RASGEF1B: variants seen among roughly 807,000 people sequenced by gnomAD.
The protein encoded by RASGEF1B is ras-GEF domain-containing family member 1B.
RASGEF1B carries 30 observed loss-of-function variants against 65.7 expected under a neutral mutation model. The ratio of observed to expected loss-of-function variants is 0.46; its 90% CI spans 0.34 to 0.62. The LOEUF is 0.62. Ranked by LOEUF, RASGEF1B falls within the 20% of genes least tolerant of loss-of-function variation. The pLI, the probability that RASGEF1B is intolerant of heterozygous loss-of-function variation, is 0.01. For synonymous variants in RASGEF1B, 175 were observed against 194.8 expected (o/e 0.90, Z 0.85); for missense variants, 495 against 580.1 (o/e 0.85, Z 1.51).
rs1421752579 is a variant in RASGEF1B, at chr4:81,445,505, TA to T, written c.928+20del. Reference sequence around the variant, plus strand: ...AGGATTCGTAAAGATAAACGACATGTATCCTCCACAAAATACTCACAGATTA... The same window carrying T: ...AGGATTCGTAAAGATAAACGACATGTTCCTCCACAAAATACTCACAGATTA... On this transcript the variant is annotated intron_variant, in intron 8 of 13. Coordinates refer to ENST00000264400, the MANE Select transcript of RASGEF1B (RefSeq NM_152545.3). The T allele has an allele frequency of 2.0e-6, 3 of 1,489,126 alleles. No individual in the cohort carries two copies. Among genetic ancestry groups the T allele is most frequent in the Non-Finnish European group, 1.9e-6 (2 of 1,066,912 alleles). 92.2% of individuals were successfully genotyped at this position (1,489,126 alleles called of 1,614,324 possible).
intron 1 of RASGEF1B, among the ~76,000 whole-genome samples, chr4:81,465,921 A>G (rs995920066): frequency 1.3e-5 from 2 of 152,128 alleles, no homozygotes; most frequent in South Asian, 2.1e-4. Flanking sequence ...AGAGTCAGAG[A>G]AAAAAAAGGT....
chr4:81,470,463 G>A lies in RASGEF1B; in HGVS notation c.-7+1307C>T, dbSNP rs537110216. On this transcript the variant is annotated intron_variant, in intron 1 of 13. Coordinates refer to ENST00000264400, the MANE Select transcript of RASGEF1B (RefSeq NM_152545.3). Reference sequence around the variant, plus strand: ...ATTCACCCCATCTGAGTGTGACTGTGCCAGACATCATTCAAGAGTGCACCA... The same window carrying A: ...ATTCACCCCATCTGAGTGTGACTGTACCAGACATCATTCAAGAGTGCACCA... 3.9e-5 allele frequency among the ~76,000 whole-genome samples: 6 copies of A among 152,238 alleles called. No homozygotes were observed. In the East Asian group the frequency reaches 1.2e-3, roughly 29 times the overall value.
chr4:81,455,166 G>A (rs945687405), intron 4 of RASGEF1B: 1 of 152,240 alleles, frequency 6.6e-6, no homozygotes, highest in Non-Finnish European at 1.5e-5. Context: ...GCTGGGTGCA[G>A]TGACTCACAC....
intron 1 of RASGEF1B, among the ~76,000 whole-genome samples, chr4:81,461,400 G>A (rs1487845633): frequency 2.6e-5 from 4 of 152,214 alleles, no homozygotes; most frequent in Admixed American, 6.5e-5. Context: ...TTCACATGCA[G>A]CATGAGGAGT....
chr4:81,465,146 C>G (rs1169877536), intron 1 of RASGEF1B, among the ~76,000 whole-genome samples: 1 of 150,784 alleles, frequency 6.6e-6, no homozygotes, highest in African/African-American at 2.4e-5. Context: ...TAGTACCTAT[C>G]AAACTGAGTT....
intron 4 of RASGEF1B, chr4:81,451,139 C>T (rs1486735853): frequency 6.6e-6 from 1 of 152,140 alleles, no homozygotes; most frequent in Non-Finnish European, 1.5e-5. Flanking sequence ...TGAAGTTTCA[C>T]AGTCAGTAAA....
At chr4:81,457,004 A>T (rs1258398967) in intron 3 of RASGEF1B, among the ~76,000 whole-genome samples, 1 of 152,106 alleles carries the variant, frequency 6.6e-6, no homozygotes, top group African/African-American at 2.4e-5. Context: ...TTTATTTTTT[A>T]AAATTTTTAA....
chr4:81,444,611 G>A (rs1721955413), intron 8 of RASGEF1B, among the ~76,000 whole-genome samples: 1 of 152,126 alleles, frequency 6.6e-6, no homozygotes, highest in Middle Eastern at 3.4e-3. Context: ...ATTTCAGCTC[G>A]CTGCAACCTC....
At chr4:81,429,773 G>A (rs893904567) in intron 13 of RASGEF1B, among the ~76,000 whole-genome samples, 5 of 152,058 alleles carry the variant, frequency 3.3e-5, no homozygotes, top group African/African-American at 1.2e-4. Flanking sequence ...ACAGACTGGC[G>A]GGATGAGGCG....
At chr4:81,439,433 C>T (rs1368008237) in intron 10 of RASGEF1B, among the ~76,000 whole-genome samples, 1 of 152,128 alleles carries the variant, frequency 6.6e-6, no homozygotes, top group Non-Finnish European at 1.5e-5. Flanking sequence ...TAGAAAAAAA[C>T]TTAGAATTCC....
At chr4:81,464,671 A>T (rs1276756509) in intron 1 of RASGEF1B, among the ~76,000 whole-genome samples, 1 of 152,196 alleles carries the variant, frequency 6.6e-6, no homozygotes, top group Non-Finnish European at 1.5e-5. Context: ...CCAGATTAAG[A>T]AGTCCATGTG....
At position 81,451,392 on chromosome 4, in the gene RASGEF1B, C is replaced by T. The variant is rs141161890; in HGVS notation, c.439-3108G>A. ...AAGAAGATACAGCTACCTACATTGA[C>T]ATGGAAGGGTTTCCAAGACATAACA... On this transcript the variant is annotated intron_variant, in intron 4 of 13. Coordinates refer to ENST00000264400, the MANE Select transcript of RASGEF1B (RefSeq NM_152545.3). 7 of 152,274 alleles carry T rather than the reference C, an allele frequency of 4.6e-5. No individual in the cohort carries two copies. In the East Asian group the frequency reaches 1.3e-3, roughly 29 times the overall value. The allele number at this position is 152,274 out of a possible 1,614,324, so 9.4% of individuals were successfully genotyped here. A position where few individuals can be genotyped will look rare whatever the true frequency, so the allele number is the denominator to read the frequency against.
chr4:81,429,644 G>A (rs941079163), intron 13 of RASGEF1B, among the ~76,000 whole-genome samples: 3 of 152,220 alleles, frequency 2.0e-5, no homozygotes, highest in African/African-American at 7.2e-5. Flanking sequence ...AGCTGGACGT[G>A]GTGAGGAACA....
chr4:81,453,871 CA>C (rs1560706265), intron 4 of RASGEF1B: 1 of 152,090 alleles, frequency 6.6e-6, no homozygotes, highest in Non-Finnish European at 1.5e-5. Context: ...GAGGACTAGC[CA>C]AAACACACTC....
At chr4:81,441,077 A>T (rs1721817701) in intron 9 of RASGEF1B, 148 bp from the exon 10 acceptor site, 3 of 559,928 alleles carry the variant, frequency 5.4e-6, no homozygotes, top group East Asian at 5.8e-5. Context: ...TCATACACAC[A>T]AATGCACATG....
chr4:81,456,944 T>A (rs1229160284), intron 3 of RASGEF1B, among the ~76,000 whole-genome samples, 156 bp from the exon 4 acceptor site: 2 of 152,164 alleles, frequency 1.3e-5, no homozygotes, highest in Non-Finnish European at 2.9e-5. Flanking sequence ...CAATGCCAAG[T>A]GCCACCAACT....
chr4:81,466,563 T>G (rs1414943697), intron 1 of RASGEF1B, among the ~76,000 whole-genome samples: 1 of 151,726 alleles, frequency 6.6e-6, no homozygotes, highest in South Asian at 2.1e-4. Flanking sequence ...ATCGAGACCA[T>G]CCTGGCTAAC....
Position 81,432,389 on chromosome 4 carries a change from A to T in RASGEF1B, c.1325-18T>A. On this transcript the variant is annotated intron_variant, in intron 12 of 13. Coordinates refer to ENST00000264400, the MANE Select transcript of RASGEF1B (RefSeq NM_152545.3). ...GTAGAGAGCTACAATCAAACAAAAG[A>T]AAGTGCATTAACATTAAAGCCTTCT... 1.3e-6 allele frequency: 2 copies of T among 1,540,708 alleles called. No homozygotes were observed. The highest frequency in any genetic ancestry group is 1.8e-6 in the Non-Finnish European group (2 of 1,114,564).
Position 81,442,286 on chromosome 4 carries a change from G to A in RASGEF1B, c.1008+11C>T. On this transcript the variant is annotated intron_variant, in intron 9 of 13. Coordinates refer to ENST00000264400, the MANE Select transcript of RASGEF1B (RefSeq NM_152545.3). ...AGTGTTACTTAACAGCAAAACATCA[G>A]CTTCACATACCTCAAGAATGTCAAA... is the stretch of plus-strand genomic sequence containing the variant. The A allele has an allele frequency of 6.3e-7, 1 of 1,591,508 alleles. No homozygotes were observed. The highest frequency in any genetic ancestry group is 8.6e-7 in the Non-Finnish European group (1 of 1,159,542).
Sources: allele counts gnomAD v4.1 joint callset (sites outside exome capture counted in the v4.1 genomes callset), GRCh38; gene constraint gnomAD v4.1.1; transcripts MANE v1.5; gene names NCBI Gene and HGNC (gene_info 2026-07-23, HGNC 2026-07-21).